The following SNTG1 variants were observed in gnomAD, a reference collection of about 807,000 sequenced individuals.
The protein encoded by SNTG1 is syntrophin gamma 1, also known as gamma-1-syntrophin.
Under a neutral mutation model 74.7 loss-of-function variants are expected in SNTG1, and 39 were observed. The observed-to-expected ratio is 0.52, with a 90% CI of 0.40 to 0.68. The LOEUF (loss-of-function observed/expected upper bound fraction) is 0.68. Ranked by LOEUF, SNTG1 falls within the 30% of genes least tolerant of loss-of-function variation. SNTG1 has a pLI of 0.00. For synonymous variants in SNTG1, 254 were observed against 217.1 expected, an observed-to-expected ratio of 1.17 and a Z score of -1.49; for missense variants, 685 against 609.5, an observed-to-expected ratio of 1.12 and a Z score of -1.30.
chr8:50,051,937 A>G (rs1237284611), intron 1 of SNTG1, among the ~76,000 whole-genome samples: 1 of 152,112 alleles, frequency 6.6e-6, no homozygotes, highest in Non-Finnish European at 1.5e-5. Context: ...AAATTTTTAA[A>G]AATATTTCAT....
rs555487402 is a variant in SNTG1 at position 50,367,236 on chromosome 8, A to G, written c.-27-26976A>G. On this transcript the variant is annotated intron_variant, in intron 2 of 18. Transcript: ENST00000642720. ...TTCATTTCTTACATGTATTCTTTAA[A>G]TGTTAGAAATTTGAAACTTTGATTT... Among the ~76,000 whole-genome samples, 14 of 152,098 alleles carry G rather than the reference A, an allele frequency of 9.2e-5. No homozygotes were observed. In the East Asian group the frequency reaches 2.7e-3, roughly 29 times the overall value.
intron 15 of SNTG1, among the ~76,000 whole-genome samples, chr8:50,703,201 T>C (rs941939092): frequency 3.3e-5 from 5 of 152,248 alleles, no homozygotes; most frequent in African/African-American, 1.2e-4. Context: ...TTGGCCTTTT[T>C]TGTAGAAGTG....
At chr8:50,650,984 A>G (rs2095141748) in intron 13 of SNTG1, among the ~76,000 whole-genome samples, 1 of 152,146 alleles carries the variant, frequency 6.6e-6, no homozygotes, top group Non-Finnish European at 1.5e-5. Flanking sequence ...TACAGGCATG[A>G]GCCACTGCGC....
At chr8:50,351,511 T>G (rs1398550747) in intron 2 of SNTG1, among the ~76,000 whole-genome samples, 1 of 152,234 alleles carries the variant, frequency 6.6e-6, no homozygotes, top group Non-Finnish European at 1.5e-5. Flanking sequence ...TTGCTTTTGA[T>G]CATGTATAAT....
intron 2 of SNTG1, among the ~76,000 whole-genome samples, chr8:50,351,155 A>G (rs186868479): frequency 2.6e-5 from 4 of 152,302 alleles, no homozygotes; most frequent in Admixed American, 2.0e-4. Flanking sequence ...CCCATTTCTT[A>G]TTAAGGATGC....
intron 13 of SNTG1, among the ~76,000 whole-genome samples, chr8:50,644,709 A>G (rs2095096023): frequency 6.6e-6 from 1 of 152,060 alleles, no homozygotes; most frequent in Non-Finnish European, 1.5e-5. Context: ...GTGTTGTTGA[A>G]GGGTCAACTG....
At chr8:50,260,032 T>A (rs371951640) in intron 2 of SNTG1, among the ~76,000 whole-genome samples, 1 of 152,056 alleles carries the variant, frequency 6.6e-6, no homozygotes, top group Non-Finnish European at 1.5e-5. Flanking sequence ...ACCAAAAAGA[T>A]TGGAGAAAAA....
chr8:50,030,052 G>A (rs1423910427), intron 1 of SNTG1, among the ~76,000 whole-genome samples: 2 of 152,074 alleles, frequency 1.3e-5, no homozygotes, highest in Admixed American at 6.6e-5. Flanking sequence ...TTACTGGTGT[G>A]AGATGATATC....
intron 17 of SNTG1, among the ~76,000 whole-genome samples, chr8:50,714,646 A>C (rs939558894): frequency 1.1e-4 from 17 of 152,116 alleles, no homozygotes; most frequent in Admixed American, 2.0e-4. Flanking sequence ...CTATGAATTG[A>C]GGGAGGAAAA....
At chr8:50,446,058 C>T (rs1234632592) in intron 5 of SNTG1, among the ~76,000 whole-genome samples, 1 of 152,124 alleles carries the variant, frequency 6.6e-6, no homozygotes, top group African/African-American at 2.4e-5. Context: ...CGATGGAGGT[C>T]CAGGAGCTAC....
chr8:50,367,439 C>T (rs1295762212), intron 2 of SNTG1, among the ~76,000 whole-genome samples: 1 of 152,048 alleles, frequency 6.6e-6, no homozygotes, highest in Non-Finnish European at 1.5e-5. Context: ...AAAATATATA[C>T]ATTAGATTTT....
chr8:50,440,829 A>G (rs1185032132), intron 5 of SNTG1, among the ~76,000 whole-genome samples: 1 of 152,204 alleles, frequency 6.6e-6, no homozygotes, highest in Non-Finnish European at 1.5e-5. Context: ...TAAGACTCCT[A>G]CAGGTGCTTG....
intron 1 of SNTG1, among the ~76,000 whole-genome samples, chr8:49,971,165 T>C (rs145342449): frequency 0.023 from 3,493 of 152,258 alleles, 137 homozygotes; most frequent in African/African-American, 0.078. Context: ...AAAAAGCTTA[T>C]TCACCATGAT....
chr8:50,324,300 A>G (rs1172576482), intron 2 of SNTG1, among the ~76,000 whole-genome samples: 1 of 152,200 alleles, frequency 6.6e-6, no homozygotes, highest in Non-Finnish European at 1.5e-5. Context: ...CCTCCCCAAG[A>G]TGCACAGATT....
chr8:50,697,704 T>C (rs1273357686), intron 15 of SNTG1, among the ~76,000 whole-genome samples: 2 of 152,208 alleles, frequency 1.3e-5, no homozygotes, highest in East Asian at 3.8e-4. Flanking sequence ...CATATGATTT[T>C]TGGCCTTAAT....
In SNTG1 at chr8:50,678,139, A is replaced by G. The variant is rs528275799; in HGVS notation, c.1038+19476A>G. Among the ~76,000 whole-genome samples, 4 of 152,016 alleles carry G rather than the reference A, an allele frequency of 2.6e-5. No individual in the cohort carries two copies. The South Asian group carries it at 8.3e-4, about 31-fold the overall frequency. The stretch of plus-strand genomic sequence containing the variant: ...AAAGAAAGAAAAGAAAAGAATAATA[A>G]TAATAGTGTTCTTGCTATTTGTGCT... On this transcript the variant is annotated intron_variant, in intron 15 of 18. Coordinates refer to ENST00000642720, the MANE Select transcript of SNTG1 (RefSeq NM_018967.5).
chr8:50,567,997 C>A (rs1241903954), intron 12 of SNTG1, among the ~76,000 whole-genome samples: 1 of 151,972 alleles, frequency 6.6e-6, no homozygotes, highest in Non-Finnish European at 1.5e-5. Context: ...CCCAATTCTC[C>A]CCTTCTCTTT....
intron 4 of SNTG1, among the ~76,000 whole-genome samples, chr8:50,417,334 T>A (rs1268267537): frequency 6.6e-6 from 1 of 152,260 alleles, no homozygotes; most frequent in African/African-American, 2.4e-5. Flanking sequence ...GACTTAGCGA[T>A]TTATAGGAGA....
chr8:50,572,282 A>C (rs1294456154), intron 12 of SNTG1, among the ~76,000 whole-genome samples: 1 of 149,622 alleles, frequency 6.7e-6, no homozygotes, highest in African/African-American at 2.5e-5. Context: ...ATATAGAGAG[A>C]GAGAGAGAGA....
Sources: gnomAD v4.1 joint callset for allele counts (sites outside exome capture counted in the v4.1 genomes callset) on GRCh38, gnomAD v4.1.1 for gene constraint, MANE v1.5 for transcripts, NCBI Gene and HGNC (gene_info 2026-07-23, HGNC 2026-07-21) for gene names.